Variants in CTIF observed in about 807,000 individuals in gnomAD.
CTIF encodes cap binding complex dependent translation initiation factor.
CTIF carries 21 observed loss-of-function variants against 66.0 expected under a neutral mutation model. That is an observed-to-expected ratio of 0.32 (90% CI 0.23 to 0.46). The LOEUF (loss-of-function observed/expected upper bound fraction) is 0.46. Among genes scored for constraint, CTIF ranks in the 20% least tolerant of loss-of-function variants. The probability of loss-of-function intolerance (pLI) is 1.00; values close to 1 mark genes in which losing one functional copy is unlikely to be tolerated. For synonymous variants in CTIF, 345 were observed against 326.4 expected, an observed-to-expected ratio of 1.06 and a Z score of -0.62; for missense variants, 739 against 812.7, an observed-to-expected ratio of 0.91 and a Z score of 1.10.
intron 6 of CTIF, among the ~76,000 whole-genome samples, chr18:48,672,420 G>A (rs2091550797): frequency 6.6e-6 from 1 of 152,182 alleles, no homozygotes; most frequent in African/African-American, 2.4e-5. Context: ...GCCGTCACTG[G>A]AGAGGGGCAG....
At chr18:48,578,169 C>T (rs972941547) in intron 1 of CTIF, among the ~76,000 whole-genome samples, 3 of 151,076 alleles carry the variant, frequency 2.0e-5, no homozygotes, top group African/African-American at 4.9e-5. Context: ...TTTTTTTTAT[C>T]ACTGAGTAAT....
intron 1 of CTIF, among the ~76,000 whole-genome samples, chr18:48,570,004 A>G (rs377293262): frequency 6.6e-6 from 1 of 152,184 alleles, no homozygotes. Flanking sequence ...TTTTGTCCGA[A>G]CTTCATGTTA....
chr18:48,655,708 G>A (rs2091236841), intron 3 of CTIF, among the ~76,000 whole-genome samples: 1 of 152,130 alleles, frequency 6.6e-6, no homozygotes, highest in Non-Finnish European at 1.5e-5. Context: ...GGCCACCTCT[G>A]CCCCAGTGTC....
intron 7 of CTIF, among the ~76,000 whole-genome samples, chr18:48,739,213 T>TA (rs2092532697): frequency 6.6e-6 from 1 of 152,156 alleles, no homozygotes; most frequent in South Asian, 2.1e-4. Flanking sequence ...CCTCCCGGCA[T>TA]AGGAGCCTTC....
chr18:48,819,665 T>C (rs2068441873), intron 10 of CTIF, among the ~76,000 whole-genome samples: 1 of 152,208 alleles, frequency 6.6e-6, no homozygotes, highest in South Asian at 2.1e-4. Flanking sequence ...CGGGCCAGTT[T>C]GACAAACACA....
intron 7 of CTIF, among the ~76,000 whole-genome samples, chr18:48,713,340 G>C (rs371684215): frequency 4.6e-4 from 70 of 152,230 alleles, no homozygotes; most frequent in African/African-American, 1.7e-3. Flanking sequence ...ACCTCTCTGC[G>C]CCCAGGCAAT....
intron 9 of CTIF, among the ~76,000 whole-genome samples, chr18:48,799,504 C>T (rs2068004039): frequency 6.6e-6 from 1 of 152,056 alleles, no homozygotes; most frequent in African/African-American, 2.4e-5. Context: ...GGGACACTGG[C>T]ATGGGACGTA....
chr18:48,654,235 AG>A (rs2091206725), intron 3 of CTIF, among the ~76,000 whole-genome samples: 1 of 152,212 alleles, frequency 6.6e-6, no homozygotes, highest in Non-Finnish European at 1.5e-5. Context: ...CATCTGACAA[AG>A]GGCTAATATT....
chr18:48,680,896 C>A (rs1042809826), intron 6 of CTIF, among the ~76,000 whole-genome samples: 1 of 152,196 alleles, frequency 6.6e-6, no homozygotes. Context: ...AGTTTAGGGG[C>A]GGAGAAGCCC....
chr18:48,723,746 C>T (rs2092362167), intron 7 of CTIF, among the ~76,000 whole-genome samples: 1 of 152,218 alleles, frequency 6.6e-6, no homozygotes, highest in South Asian at 2.1e-4. Context: ...TACCAAGGAG[C>T]TTTCCTCCTG....
chr18:48,578,376 A>G (rs147959635), intron 1 of CTIF, among the ~76,000 whole-genome samples: 402 of 152,278 alleles, frequency 2.6e-3, no homozygotes, highest in African/African-American at 9.3e-3. Flanking sequence ...TAGTGACTCT[A>G]TATTAACCTT....
intron 1 of CTIF, among the ~76,000 whole-genome samples, chr18:48,617,810 G>A (rs75572726): frequency 9.2e-5 from 14 of 152,276 alleles, no homozygotes; most frequent in African/African-American, 2.9e-4. Context: ...CCTCCAGTCC[G>A]CTGATTCCTC....
At chr18:48,789,963 G>A (rs886720935) in intron 9 of CTIF, among the ~76,000 whole-genome samples, 6 of 152,162 alleles carry the variant, frequency 3.9e-5, no homozygotes, top group Admixed American at 2.0e-4. Context: ...CTTGGGCAGG[G>A]TACTTTTCCC....
intron 9 of CTIF, among the ~76,000 whole-genome samples, chr18:48,812,609 C>A (rs1039699488): frequency 6.6e-6 from 1 of 151,988 alleles, no homozygotes; most frequent in Non-Finnish European, 1.5e-5. Context: ...TAAAAGTTAG[C>A]CAGGCATAGT....
chr18:48,855,693 G>A lies in CTIF; in HGVS notation c.1528-1895G>A, dbSNP rs375308408. On this transcript the variant is annotated intron_variant, in intron 10 of 11. Coordinates refer to ENST00000256413, the MANE Select transcript of CTIF (RefSeq NM_014772.3). ...GGGGACCAGGATGACGCATCAGGAC[G>A]CGGGACAGTCCTCCATGAGGGAAGC... 3.3e-3 allele frequency among the ~76,000 whole-genome samples: 510 copies of A among 152,330 alleles called. 3 individuals carry two copies. Among genetic ancestry groups the A allele is most frequent in the African/African-American group, 0.011 (459 of 41,562 alleles).
chr18:48,839,672 A>T (rs1015462642), intron 10 of CTIF, among the ~76,000 whole-genome samples: 1 of 152,196 alleles, frequency 6.6e-6, no homozygotes, highest in African/African-American at 2.4e-5. Flanking sequence ...CTTAGTTCCA[A>T]ATGCTGATCT....
At chr18:48,701,538 CCCCCAGTG>C (rs1368461072) in intron 6 of CTIF, among the ~76,000 whole-genome samples, 13 of 152,078 alleles carry the variant, frequency 8.5e-5, no homozygotes, top group Non-Finnish European at 1.6e-4. Context: ...CGTCCCCCAG[CCCCCAGTG>C]CACACAGTGC....
At position 48,761,366 on chromosome 18, in the gene CTIF, T is replaced by C; in HGVS notation, c.1072-24T>C. On this transcript the variant is annotated intron_variant, in intron 8 of 11. Transcript: ENST00000256413. This position sits in a 1 kb window ranked among gnomAD's most constrained non-coding sequence, Gnocchi z 4.2. ...GAGACCTCGGCTTCACTCAGGCACA[T>C]TCATTTGTCTCCGACACCCCCAGGA... The C allele has an allele frequency of 6.2e-7, 1 of 1,606,854 alleles. No individual in the cohort carries two copies. Among genetic ancestry groups the C allele is most frequent in the South Asian group, 1.1e-5 (1 of 90,522 alleles).
chr18:48,543,567 A>G (rs1452730626), intron 1 of CTIF, among the ~76,000 whole-genome samples: 2 of 152,164 alleles, frequency 1.3e-5, no homozygotes, highest in East Asian at 1.9e-4. Context: ...TTAAGGCCAG[A>G]GCTGTGGTTC....
Sources: gnomAD v4.1 joint callset for allele counts (sites outside exome capture counted in the v4.1 genomes callset) on GRCh38, gnomAD v4.1.1 for gene constraint, Gnocchi (gnomAD v3.1) non-coding constraint, MANE v1.5 for transcripts, NCBI Gene and HGNC (gene_info 2026-07-23, HGNC 2026-07-21) for gene names.